Variants in PAPPA observed in about 807,000 individuals in gnomAD.
PAPPA encodes the protein pappalysin-1.
In PAPPA, 60 loss-of-function variants were observed where a neutral mutation model predicts 164.0. That is an observed-to-expected ratio of 0.37 (90% CI 0.30 to 0.45). The LOEUF (loss-of-function observed/expected upper bound fraction) is 0.45. Ranked by LOEUF, PAPPA falls within the 20% of genes least tolerant of loss-of-function variation. The probability of loss-of-function intolerance (pLI) is 1.00; values close to 1 mark genes in which losing one functional copy is unlikely to be tolerated. For missense variants in PAPPA, 1,782 were observed against 2,087.3 expected (o/e 0.85, Z 2.85); for synonymous variants, 875 against 814.1 (o/e 1.07, Z -1.27).
chr9:116,396,115 C>T (rs1308972660), intron 21 of PAPPA, among the ~76,000 whole-genome samples: 1 of 152,176 alleles, frequency 6.6e-6, no homozygotes, highest in Admixed American at 6.5e-5. Flanking sequence ...GCTTGTTTTA[C>T]TTTAAATACC....
At position 116,154,344 on chromosome 9, in the gene PAPPA, T is replaced by A; in HGVS notation, c.172T>A (p.Ser58Thr). 1 of 825,742 alleles carries A rather than the reference T, an allele frequency of 1.2e-6. No individual in the cohort carries two copies. Among genetic ancestry groups the A allele is most frequent in the Non-Finnish European group, 1.4e-6 (1 of 690,404 alleles). 51.2% of individuals were successfully genotyped at this position (825,742 alleles called of 1,614,324 possible). A position where few individuals can be genotyped will look rare whatever the true frequency, so the allele number is the denominator to read the frequency against. The change falls in exon 1 of 22, where the codon TCG becomes ACG. Residue 58 changes from serine to threonine, a missense_variant. Physicochemically the swap from Ser to Thr is moderately conservative, Grantham distance 58 (BLOSUM62 1). Around this residue, in one of 2 missense-constraint regions of PAPPA, gnomAD observed 458 missense variants for 430.3 expected, o/e 1.06. Coordinates refer to ENST00000328252, the MANE Select transcript of PAPPA (RefSeq NM_002581.5). The surrounding 1 kb of genome is among the most constrained non-coding windows in gnomAD (Gnocchi z 5.2). Reference protein sequence around the residue: ...ATRAARGRRASPPPPPPPGGA... With the variant: ...ATRAARGRRATPPPPPPPGGA... The stretch of plus-strand genomic sequence containing the variant: ...CCGGGCGGCCCGCGGCCGCCGCGCC[T>A]CGCCGCCGCCGCCGCCGCCGCCGGG...
At chr9:116,201,450 G>A (rs1844169711) in intron 2 of PAPPA, among the ~76,000 whole-genome samples, 1 of 152,180 alleles carries the variant, frequency 6.6e-6, no homozygotes. Flanking sequence ...AACCTCCTGT[G>A]AAGAAGGTAA....
intron 15 of PAPPA, among the ~76,000 whole-genome samples, chr9:116,351,118 A>G (rs998778271): frequency 3.3e-5 from 5 of 152,202 alleles, no homozygotes; most frequent in Admixed American, 3.3e-4. Context: ...ACTAAATAAT[A>G]TACTTTTTAG....
intron 7 of PAPPA, among the ~76,000 whole-genome samples, chr9:116,240,854 T>C (rs1453264107): frequency 6.6e-6 from 1 of 152,212 alleles, no homozygotes; most frequent in Admixed American, 6.5e-5. Context: ...CTCTGTCTTC[T>C]TAGGATCCTC....
rs200895581 is a variant in PAPPA at position 116,219,974 on chromosome 9, C to A, written c.1956C>A (p.Val652=). The A allele has an allele frequency of 6.2e-7, 1 of 1,613,930 alleles. No individual in the cohort carries two copies. Among genetic ancestry groups the A allele is most frequent in the Non-Finnish European group, 8.5e-7 (1 of 1,179,930 alleles). Residue 652 remains valine (V), a synonymous_variant, in exon 5 of 22, where the codon GTC becomes GTA. Transcript: ENST00000328252. ...DCTDSFTPNQ[V]ARMHCYLDLV... ...CGGACTCCTTCACGCCCAATCAAGT[C>A]GCCAGAATGCACTGTTACCTGGACC... is the stretch of plus-strand genomic sequence containing the variant.
At chr9:116,243,040 C>G (rs1330984858) in intron 7 of PAPPA, among the ~76,000 whole-genome samples, 1 of 152,170 alleles carries the variant, frequency 6.6e-6, no homozygotes, top group Admixed American at 6.5e-5. Context: ...CTCTATTTCT[C>G]ATTCGTTAAA....
rs768981709 is a variant in PAPPA at position 116,398,875 on chromosome 9, G to T, written c.*2259G>T. ...GTATTAGAAGAATTGATCCTATTTT[G>T]AACCCCTCTCCAGTATCTTCACACT... On this transcript the variant is annotated 3_prime_UTR_variant, in exon 22 of 22. Transcript: ENST00000328252. 1.4e-5 allele frequency: 5 copies of T among 362,746 alleles called. No individual in the cohort carries two copies. Among genetic ancestry groups the T allele is most frequent in the Non-Finnish European group, 2.7e-5 (5 of 184,624 alleles). The allele number at this position is 362,746 out of a possible 1,614,324, so 22.5% of individuals were successfully genotyped here.
chr9:116,338,053 G>A (rs1846084364), intron 13 of PAPPA, among the ~76,000 whole-genome samples: 1 of 152,138 alleles, frequency 6.6e-6, no homozygotes, highest in Admixed American at 6.5e-5. Flanking sequence ...CTACAGTGGT[G>A]ATATTGAGGC....
At chr9:116,278,054 CTG>C (rs747071937) in intron 9 of PAPPA, among the ~76,000 whole-genome samples, 3 of 152,216 alleles carry the variant, frequency 2.0e-5, no homozygotes, top group Non-Finnish European at 4.4e-5. Flanking sequence ...GAGGAAAAAA[CTG>C]TGGTTCAGAG....
rs1284923733 is a variant in PAPPA at position 116,235,381 on chromosome 9, A to G, written c.2476A>G (p.Ile826Val). The G allele has an allele frequency of 4.3e-6, 7 of 1,613,912 alleles. No individual in the cohort carries two copies. The Admixed American group carries it at 1.0e-4, about 23-fold the overall frequency. Residue 826 changes from isoleucine to valine, a missense_variant, in exon 7 of 22, where the codon ATC (isoleucine) becomes GTC (valine). Ile to Val is a conservative substitution (Grantham distance 29). Transcript: ENST00000328252. Reference sequence around the variant, plus strand: ...ACTGTTGGCTGTCAGTGGGAAGAACATCTCCCTGGGTCCTCAGAATGTCTT... The same window carrying G: ...ACTGTTGGCTGTCAGTGGGAAGAACGTCTCCCTGGGTCCTCAGAATGTCTT... ...IKLLAVSGKN[I>V]SLGPQNVFCD...
At chr9:116,337,643 A>C (rs1846078657) in intron 13 of PAPPA, among the ~76,000 whole-genome samples, 2 of 143,190 alleles carry the variant, frequency 1.4e-5, no homozygotes, top group Non-Finnish European at 3.1e-5. Flanking sequence ...TTTTTCCTGC[A>C]TCTCTCCCTC....
intron 5 of PAPPA, among the ~76,000 whole-genome samples, chr9:116,220,492 T>C (rs927246421): frequency 1.3e-5 from 2 of 148,372 alleles, no homozygotes; most frequent in Non-Finnish European, 3.0e-5. Context: ...TATTATATAT[T>C]ATATTATATT....
chr9:116,257,425 G>A (rs1029840179), intron 7 of PAPPA, among the ~76,000 whole-genome samples: 3 of 152,002 alleles, frequency 2.0e-5, no homozygotes, highest in Admixed American at 6.5e-5. Flanking sequence ...AAAAGGCTGG[G>A]CACGGTGGCT....
intron 13 of PAPPA, among the ~76,000 whole-genome samples, chr9:116,337,714 C>T (rs1846079981): frequency 6.6e-6 from 1 of 152,034 alleles, no homozygotes; most frequent in South Asian, 2.1e-4. Flanking sequence ...CCCCGCCCCC[C>T]ACCTTCTCTT....
intron 9 of PAPPA, among the ~76,000 whole-genome samples, chr9:116,272,842 C>G: frequency 6.6e-6 from 1 of 152,156 alleles, no homozygotes; most frequent in East Asian, 1.9e-4. Context: ...GTGCTGAGAA[C>G]TTACATAAAG....
chr9:116,387,998 T>C (rs551809405), intron 21 of PAPPA, among the ~76,000 whole-genome samples: 15 of 152,230 alleles, frequency 9.9e-5, no homozygotes, highest in Non-Finnish European at 1.5e-4. Flanking sequence ...CCTAAACTTC[T>C]TCCCGGTTCC....
Position 116,357,527 on chromosome 9 carries a change from A to G in PAPPA, c.4347+3734A>G, listed in dbSNP as rs756938208. 3.9e-5 allele frequency among the ~76,000 whole-genome samples: 6 copies of G among 152,324 alleles called. No individual in the cohort carries two copies. The East Asian group carries it at 1.2e-3, about 29-fold the overall frequency. On this transcript the variant is annotated intron_variant, in intron 17 of 21. Transcript: ENST00000328252. The stretch of plus-strand genomic sequence containing the variant: ...TGCAGAAAGAAGGCCCGGGGAGGGT[A>G]AGTTCTTGCCCATGGTGACAAGAGA...
At chr9:116,247,485 T>G (rs2118771966) in intron 7 of PAPPA, among the ~76,000 whole-genome samples, 1 of 152,264 alleles carries the variant, frequency 6.6e-6, no homozygotes, top group Non-Finnish European at 1.5e-5. Flanking sequence ...TGAAATCAGG[T>G]TGCAATGTGT....
At chr9:116,284,545 CTTTT>C (rs61248033) in intron 9 of PAPPA, among the ~76,000 whole-genome samples, 3 of 88,230 alleles carry the variant, frequency 3.4e-5, no homozygotes, top group Admixed American at 1.5e-4. Flanking sequence ...TAGTCTGGGC[CTTTT>C]TTTTTTTTTT....
Sources: allele counts gnomAD v4.1 joint callset (sites outside exome capture counted in the v4.1 genomes callset), GRCh38; gene constraint gnomAD v4.1.1; regional missense constraint gnomAD v4.1.1; non-coding constraint Gnocchi (gnomAD v3.1); transcripts MANE v1.5; gene names NCBI Gene and HGNC (gene_info 2026-07-23, HGNC 2026-07-21).